Variants in ATXN1 observed in about 807,000 individuals in gnomAD.
The protein encoded by ATXN1 is ataxin-1.
A neutral mutation model predicts 56.4 loss-of-function variants in ATXN1; 8 were observed. The ratio of observed to expected loss-of-function variants is 0.14; its 90% CI spans 0.08 to 0.26. The LOEUF (loss-of-function observed/expected upper bound fraction) is 0.26. Ranked by LOEUF, ATXN1 falls within the 10% of genes least tolerant of loss-of-function variation. The pLI is 1.00. For synonymous variants in ATXN1, 514 were observed against 494.6 expected (o/e 1.04, Z -0.52); for missense variants, 987 against 1,106.5 (o/e 0.89, Z 1.53).
At chr6:16,386,847 T>C (rs1205663563) in intron 6 of ATXN1, among the ~76,000 whole-genome samples, 1 of 152,198 alleles carries the variant, frequency 6.6e-6, no homozygotes, top group Non-Finnish European at 1.5e-5. Context: ...ATTTTGATTA[T>C]TTTTAAAGGA....
At chr6:16,451,741 GCAAAA>G (rs1245242836) in intron 6 of ATXN1, among the ~76,000 whole-genome samples, 1 of 150,678 alleles carries the variant, frequency 6.6e-6, no homozygotes, top group Non-Finnish European at 1.5e-5. Flanking sequence ...GGCAACAAGA[GCAAAA>G]CTCCGTCTCA....
intron 4 of ATXN1, among the ~76,000 whole-genome samples, chr6:16,548,102 T>C (rs1336474189): frequency 2.0e-5 from 3 of 152,156 alleles, no homozygotes; most frequent in Admixed American, 2.0e-4. Context: ...GTACAATGTA[T>C]TGCTTCCCGG....
At chr6:16,669,132 G>C (rs560265434) in intron 2 of ATXN1, among the ~76,000 whole-genome samples, 1 of 152,154 alleles carries the variant, frequency 6.6e-6, no homozygotes. Flanking sequence ...GACAAACCAA[G>C]TAATTGAAGA....
At chr6:16,391,161 C>CAAAAA (rs35472967) in intron 6 of ATXN1, among the ~76,000 whole-genome samples, 4 of 56,380 alleles carry the variant, frequency 7.1e-5, no homozygotes, top group African/African-American at 1.3e-4. Context: ...GACTCCATCT[C>CAAAAA]AAAAAAAAAA....
At chr6:16,476,480 GTATT>G (rs567327433) in intron 6 of ATXN1, among the ~76,000 whole-genome samples, 62 of 150,792 alleles carry the variant, frequency 4.1e-4, no homozygotes, top group African/African-American at 1.2e-3. Flanking sequence ...AGAATGATGA[GTATT>G]TAAACACTAA....
chr6:16,522,899 A>G lies in ATXN1; in HGVS notation c.-360-211T>C, dbSNP rs548141467. Among the ~76,000 whole-genome samples the G allele has an allele frequency of 2.6e-5, 4 of 152,342 alleles. No homozygotes were observed. In the South Asian group the frequency reaches 6.2e-4, roughly 24 times the overall value. On this transcript the variant is annotated intron_variant, in intron 4 of 7. Transcript: ENST00000436367. ...GCAGAGCTTTGAACAATCAATATGTAGAGAACAATCACAGGCATGATTCAT... is the reference window on the plus strand; with the variant it reads ...GCAGAGCTTTGAACAATCAATATGTGGAGAACAATCACAGGCATGATTCAT...
At chr6:16,606,477 T>G (rs1225690874) in intron 3 of ATXN1, among the ~76,000 whole-genome samples, 1 of 151,888 alleles carries the variant, frequency 6.6e-6, no homozygotes, top group Admixed American at 6.6e-5. Flanking sequence ...TGGGCAGCCC[T>G]GTTTTGTTTG....
intron 3 of ATXN1, chr6:16,653,072 C>T (rs186424769): frequency 1.3e-5 from 2 of 152,312 alleles, no homozygotes; most frequent in African/African-American, 4.8e-5. Context: ...GTTAGATTAA[C>T]AGCTAATAAA....
intron 6 of ATXN1, among the ~76,000 whole-genome samples, chr6:16,387,233 T>C: frequency 6.6e-6 from 1 of 152,080 alleles, no homozygotes; most frequent in East Asian, 1.9e-4. Flanking sequence ...CCGGATGAAG[T>C]AGAAGCTAGG....
chr6:16,605,500 C>T (rs1278795475), intron 3 of ATXN1, among the ~76,000 whole-genome samples: 3 of 152,202 alleles, frequency 2.0e-5, no homozygotes, highest in Admixed American at 6.5e-5. Context: ...TGCAGGGACA[C>T]ACTCTCTTCT....
chr6:16,579,574 C>T (rs531694001), intron 4 of ATXN1, among the ~76,000 whole-genome samples: 1 of 148,150 alleles, frequency 6.7e-6, no homozygotes, highest in South Asian at 2.1e-4. Context: ...CTCAGAGTAT[C>T]ACATCTCCGT....
chr6:16,462,272 A>G (rs1463158054), intron 6 of ATXN1, among the ~76,000 whole-genome samples: 1 of 152,108 alleles, frequency 6.6e-6, no homozygotes, highest in African/African-American at 2.4e-5. Context: ...TAAACTTTGG[A>G]CACCCCCTGA....
chr6:16,590,667 C>A (rs1762705683), intron 3 of ATXN1, among the ~76,000 whole-genome samples: 1 of 151,526 alleles, frequency 6.6e-6, no homozygotes, highest in Non-Finnish European at 1.5e-5. Context: ...AAATTCATAA[C>A]ATTCTTTTTT....
At chr6:16,428,464 T>A (rs1205215875) in intron 6 of ATXN1, among the ~76,000 whole-genome samples, 1 of 150,754 alleles carries the variant, frequency 6.6e-6, no homozygotes, top group Non-Finnish European at 1.5e-5. Flanking sequence ...CAAAAGTAAT[T>A]GTGGTTTTTG....
intron 4 of ATXN1, among the ~76,000 whole-genome samples, chr6:16,571,787 A>C (rs1422974280): frequency 6.6e-6 from 1 of 152,140 alleles, no homozygotes; most frequent in African/African-American, 2.4e-5. Flanking sequence ...AAGCCTCCCA[A>C]GTAGCTAGGA....
chr6:16,326,975 C>T lies in ATXN1; in HGVS notation c.1336G>A (p.Val446Met), dbSNP rs1218495552. The change falls in exon 7 of 8, where the codon GTG becomes ATG. Residue 446 changes from valine to methionine, a missense_variant. Around this residue, in one of 3 missense-constraint regions of ATXN1, gnomAD observed 723 missense variants for 791.7 expected, o/e 0.91. Transcript: ENST00000436367. The surrounding 1 kb of genome is among the most constrained non-coding windows in gnomAD (Gnocchi z 6.6). ...TTHSASEPLP[V>M]GLPATAFYAG... is the part of the protein sequence containing the mutation. Reference sequence around the variant, plus strand: ...TAGAAGGCCGTGGCTGGCAGTCCCACCGGGAGTGGCTCTGAAGCACTGTGT... The same window carrying T: ...TAGAAGGCCGTGGCTGGCAGTCCCATCGGGAGTGGCTCTGAAGCACTGTGT... The T allele has an allele frequency of 6.2e-7, 1 of 1,614,044 alleles. No homozygotes were observed. Among genetic ancestry groups the T allele is most frequent in the Non-Finnish European group, 8.5e-7 (1 of 1,180,036 alleles).
At chr6:16,551,313 T>TA (rs1761916623) in intron 4 of ATXN1, among the ~76,000 whole-genome samples, 1 of 152,152 alleles carries the variant, frequency 6.6e-6, no homozygotes, top group South Asian at 2.1e-4. Flanking sequence ...AAACAGAGAA[T>TA]ATATTTTCTA....
Position 16,514,818 on chromosome 6 carries a change from C to T in ATXN1, c.-299+7809G>A, listed in dbSNP as rs866952342. Among the ~76,000 whole-genome samples, 51 of 151,966 alleles carry T rather than the reference C, an allele frequency of 3.4e-4. No individual in the cohort carries two copies. The Middle Eastern group carries it at 0.01, about 30-fold the overall frequency. ...CCAACATGGTGAAACCCCATCTCTA[C>T]TAAAAATACAAAAAATTAGCCAGGC... On this transcript the variant is annotated intron_variant, in intron 5 of 7. Transcript: ENST00000436367.
At chr6:16,312,369 T>C (rs1760412655) in intron 7 of ATXN1, among the ~76,000 whole-genome samples, 1 of 151,940 alleles carries the variant, frequency 6.6e-6, no homozygotes, top group African/African-American at 2.4e-5. Context: ...GGTACAATTG[T>C]GAAATAGCAA....
Sources: gnomAD v4.1 joint callset for allele counts (sites outside exome capture counted in the v4.1 genomes callset) on GRCh38, gnomAD v4.1.1 for gene constraint, gnomAD v4.1.1 regional missense constraint, Gnocchi (gnomAD v3.1) non-coding constraint, MANE v1.5 for transcripts, NCBI Gene and HGNC (gene_info 2026-07-23, HGNC 2026-07-21) for gene names.